FBXO34: variants seen among roughly 807,000 people sequenced by gnomAD.
The protein encoded by FBXO34 is F-box only protein 34.
FBXO34 carries 12 observed loss-of-function variants against 24.5 expected under a neutral mutation model. The ratio of observed to expected loss-of-function variants is 0.49; its 90% CI spans 0.31 to 0.79. FBXO34 has a LOEUF of 0.79. Among genes scored for constraint, FBXO34 ranks in the 30% least tolerant of loss-of-function variants. The probability of loss-of-function intolerance (pLI) is 0.04; values close to 1 mark genes in which losing one functional copy is unlikely to be tolerated. For synonymous variants in FBXO34, 320 were observed against 311.9 expected (o/e 1.03, Z -0.27); for missense variants, 823 against 857.7 (o/e 0.96, Z 0.51).
intron 1 of FBXO34, among the ~76,000 whole-genome samples, chr14:55,332,814 C>T (rs1218062616): frequency 6.6e-6 from 1 of 152,034 alleles, no homozygotes; most frequent in Admixed American, 6.6e-5. Context: ...CTTTTCTGTG[C>T]AGTGGTTGCA....
intron 1 of FBXO34, among the ~76,000 whole-genome samples, chr14:55,338,045 C>CTTTTTTTTTT (rs1480397645): frequency 2.4e-5 from 2 of 82,918 alleles, no homozygotes; most frequent in East Asian, 4.4e-4. Flanking sequence ...AGAGTATGTA[C>CTTTTTTTTTT]TTCTTTTTTT....
Position 55,350,629 on chromosome 14 carries a change from A to T in FBXO34, c.239A>T (p.Glu80Val), listed in dbSNP as rs758390683. ...AGTATGAGTGGGAAGAGTCCTGTAG[A>T]GAGCAGCTTGAATGTTAAAACCAAA... Reference protein sequence around the residue: ...LCSMSGKSPVESSLNVKTKKN... With the variant: ...LCSMSGKSPVVSSLNVKTKKN... Residue 80 changes from glutamate to valine, a missense_variant, in exon 2 of 2, where the codon GAG becomes GTG. Glu to Val is a moderately radical substitution (Grantham distance 121). Transcript: ENST00000313833. 2 of 1,613,240 alleles carry T rather than the reference A, an allele frequency of 1.2e-6. No individual in the cohort carries two copies. Among genetic ancestry groups the T allele is most frequent in the Admixed American group, 3.3e-5 (2 of 59,760 alleles).
At chr14:55,440,600 G>A in the FBXO34 span, 7 of 1,514,620 alleles carry the variant, frequency 4.6e-6, no homozygotes, top group Admixed American at 1.1e-4. Flanking sequence ...TTCCTGCAGA[G>A]GGCGCGAGAG....
chr14:55,306,480 A>C (rs1297145316), intron 1 of FBXO34, among the ~76,000 whole-genome samples: 1 of 152,250 alleles, frequency 6.6e-6, no homozygotes, highest in African/African-American at 2.4e-5. Context: ...TATCCAGTGC[A>C]TATATTTTAA....
the FBXO34 span, among the ~76,000 whole-genome samples, chr14:55,414,915 A>T: frequency 5.9e-5 from 9 of 152,224 alleles, no homozygotes; most frequent in Non-Finnish European, 1.3e-4. Context: ...TCTAAATTTA[A>T]AAGAGTTTTA....
At chr14:55,295,029 C>G (rs1160934897) in intron 1 of FBXO34, among the ~76,000 whole-genome samples, 1 of 152,186 alleles carries the variant, frequency 6.6e-6, no homozygotes, top group African/African-American at 2.4e-5. Flanking sequence ...TAATAAAGTG[C>G]TGAATATCTC....
chr14:55,340,687 C>T (rs921628375), intron 1 of FBXO34, among the ~76,000 whole-genome samples: 1 of 152,166 alleles, frequency 6.6e-6, no homozygotes, highest in African/African-American at 2.4e-5. Context: ...GATCATTGTC[C>T]AGCCAGGGAT....
intron 1 of FBXO34, among the ~76,000 whole-genome samples, chr14:55,344,056 C>G (rs61975444): frequency 0.012 from 1,892 of 152,206 alleles, 31 homozygotes; most frequent in Middle Eastern, 0.02. Flanking sequence ...TCAAATTATA[C>G]CTGGTTCACT....
At chr14:55,337,640 G>A (rs914613557) in intron 1 of FBXO34, among the ~76,000 whole-genome samples, 3 of 152,270 alleles carry the variant, frequency 2.0e-5, no homozygotes, top group Non-Finnish European at 2.9e-5. Context: ...TGCCTTGAGG[G>A]CAGAAATTCC....
chr14:55,275,823 C>CAAAAAA (rs57849080), intron 1 of FBXO34, among the ~76,000 whole-genome samples: 5 of 90,038 alleles, frequency 5.6e-5, no homozygotes, highest in African/African-American at 7.3e-5. Context: ...GACTCTGTCT[C>CAAAAAA]AAAAAAAAAA....
the FBXO34 span, among the ~76,000 whole-genome samples, chr14:55,389,122 T>A: frequency 6.6e-6 from 1 of 152,364 alleles, no homozygotes; most frequent in East Asian, 1.9e-4. Flanking sequence ...CCTTTAGATC[T>A]ATGTCTAATT....
the FBXO34 span, chr14:55,390,962 T>C: frequency 1.2e-6 from 2 of 1,606,454 alleles, no homozygotes; most frequent in Non-Finnish European, 1.7e-6. Context: ...AACTGTTCAA[T>C]CCTCATCTTG....
At chr14:55,349,602 ATTTTC>A (rs1884270458) in intron 1 of FBXO34, among the ~76,000 whole-genome samples, 1 of 90,374 alleles carries the variant, frequency 1.1e-5, no homozygotes, top group Non-Finnish European at 2.2e-5. Flanking sequence ...GGAAGCAATA[ATTTTC>A]TTTTTTTTTT....
Position 55,350,678 on chromosome 14 carries a change from C to T in FBXO34, c.288C>T (p.Ile96=), listed in dbSNP as rs759950687. Residue 96 remains isoleucine, a synonymous_variant, in exon 2 of 2, where the codon ATC becomes ATT. Transcript: ENST00000313833. The part of the protein sequence containing the change: ...KTKKNAPSAT[I]HQGEEEGPLD... ...AAAAGAATGCACCATCTGCAACGAT[C>T]CACCAGGGCGAAGAAGAAGGACCAC... 6.2e-7 allele frequency: 1 copy of T among 1,613,916 alleles called. No individual in the cohort carries two copies. The highest frequency in any genetic ancestry group is 8.5e-7 in the Non-Finnish European group (1 of 1,179,980).
At chr14:55,363,434 C>G (rs964478080), downstream of FBXO34, among the ~76,000 whole-genome samples, 22 of 152,206 alleles carry the variant, frequency 1.4e-4, no homozygotes, top group African/African-American at 5.3e-4. Context: ...TTTACATGAT[C>G]TTTCCACCTC....
At chr14:55,302,515 A>T (rs867687767) in intron 1 of FBXO34, among the ~76,000 whole-genome samples, 3 of 134,506 alleles carry the variant, frequency 2.2e-5, no homozygotes, top group Middle Eastern at 3.6e-3. Context: ...GGTGTGGAAC[A>T]CCTGGCCTCA....
chr14:55,369,844 CT>C, downstream of FBXO34: 1 of 1,614,208 alleles, frequency 6.2e-7, no homozygotes, highest in Non-Finnish European at 8.5e-7. Flanking sequence ...CATCTCCGCT[CT>C]CATCTGATTC....
chr14:55,308,235 G>A (rs1250144013), intron 1 of FBXO34, among the ~76,000 whole-genome samples: 1 of 152,182 alleles, frequency 6.6e-6, no homozygotes, highest in East Asian at 1.9e-4. Flanking sequence ...TGACTCCAAA[G>A]CTAGTTTTTT....
chr14:55,373,609 G>C (rs529077747), downstream of FBXO34, among the ~76,000 whole-genome samples: 1 of 151,958 alleles, frequency 6.6e-6, no homozygotes, highest in Non-Finnish European at 1.5e-5. Context: ...ACAGGCACCC[G>C]CCACCACGCC....
Sources: gnomAD v4.1 joint callset for allele counts (sites outside exome capture counted in the v4.1 genomes callset) on GRCh38, gnomAD v4.1.1 for gene constraint, MANE v1.5 for transcripts, NCBI Gene and HGNC (gene_info 2026-07-23, HGNC 2026-07-21) for gene names.